Variants in AEBP2 observed in about 807,000 individuals in gnomAD.
AEBP2 encodes the protein AE binding protein 2.
In AEBP2, 10 loss-of-function variants were observed where a neutral mutation model predicts 50.8. The observed-to-expected ratio is 0.20, with a 90% confidence interval of 0.12 to 0.33. The LOEUF (loss-of-function observed/expected upper bound fraction) is 0.33. AEBP2 is among the 10% of genes least tolerant of loss of function. The pLI, the probability that AEBP2 is intolerant of heterozygous loss-of-function variation, is 1.00. For missense variants in AEBP2, 570 were observed against 688.0 expected, an observed-to-expected ratio of 0.83 and a Z score of 1.92; for synonymous variants, 296 against 261.3, an observed-to-expected ratio of 1.13 and a Z score of -1.28.
chr12:19,404,194 A>G (rs2095734817), exon 1 of AEBP2: 1 of 152,230 alleles, frequency 6.6e-6, no homozygotes, highest in African/African-American at 2.4e-5. Context: ...TAGCTGGCCG[A>G]CTTCCCAGCG....
intron 5 of AEBP2, among the ~76,000 whole-genome samples, chr12:19,511,533 G>C (rs1260985642): frequency 6.6e-6 from 1 of 152,180 alleles, no homozygotes; most frequent in African/African-American, 2.4e-5. Flanking sequence ...AGTTTGTCAG[G>C]AAAGTGATGC....
At chr12:19,431,992 A>T (rs981178374) in intron 1 of AEBP2, among the ~76,000 whole-genome samples, 8 of 152,190 alleles carry the variant, frequency 5.3e-5, no homozygotes, top group Non-Finnish European at 1.2e-4. Flanking sequence ...TCTCAGCTCC[A>T]GTCTAAGCTG....
Position 19,518,542 on chromosome 12 carries a change from A to G in AEBP2, c.*425A>G. The G allele has an allele frequency of 7.7e-7, 1 of 1,296,648 alleles. No homozygotes were observed. The highest frequency in any genetic ancestry group is 3.2e-5 in the Admixed American group (1 of 31,138). 80.3% of individuals were successfully genotyped at this position (1,296,648 alleles called of 1,614,324 possible). On this transcript the variant is annotated 3_prime_UTR_variant, in exon 8 of 8. Transcript: ENST00000266508. ...CAAATACCAAAAGCACTGTAAGGAT[A>G]TTTGTCTTGACAGTGTTTATTGATT...
At chr12:19,485,990 A>G (rs1372676440) in intron 3 of AEBP2, among the ~76,000 whole-genome samples, 1 of 138,820 alleles carries the variant, frequency 7.2e-6, no homozygotes, top group Admixed American at 7.6e-5. Flanking sequence ...AAGGTCTGAT[A>G]TAATGTATAG....
intron 3 of AEBP2, among the ~76,000 whole-genome samples, chr12:19,475,502 T>C (rs1333775816): frequency 2.6e-5 from 4 of 152,086 alleles, no homozygotes; most frequent in Non-Finnish European, 5.9e-5. Context: ...ATCCACTTAT[T>C]GATTGAAGGG....
chr12:19,517,426 TAACAATAC>T (rs1949336381), intron 7 of AEBP2, among the ~76,000 whole-genome samples: 1 of 152,210 alleles, frequency 6.6e-6, no homozygotes, highest in Non-Finnish European at 1.5e-5. Flanking sequence ...GGGAAAAAGA[TAACAATAC>T]AACAATACAA....
At chr12:19,496,447 A>C (rs920629756) in intron 4 of AEBP2, among the ~76,000 whole-genome samples, 5 of 152,160 alleles carry the variant, frequency 3.3e-5, no homozygotes, top group Admixed American at 6.6e-5. Context: ...AGCCATTGTT[A>C]AGACAGTGCT....
intron 5 of AEBP2, among the ~76,000 whole-genome samples, chr12:19,509,509 G>A (rs1592782379): frequency 6.6e-6 from 1 of 152,280 alleles, no homozygotes; most frequent in East Asian, 1.9e-4. Context: ...CACTTGGGAG[G>A]CTGAGGTAGG....
intron 1 of AEBP2, among the ~76,000 whole-genome samples, chr12:19,428,439 C>A (rs1368140802): frequency 6.6e-6 from 1 of 152,148 alleles, no homozygotes; most frequent in Non-Finnish European, 1.5e-5. Context: ...TGTGTCCCAG[C>A]CCATGAACAG....
Position 19,518,819 on chromosome 12 carries a change from C to A in AEBP2, c.*702C>A. 2.0e-6 allele frequency: 2 copies of A among 996,184 alleles called. No individual in the cohort carries two copies. The highest frequency in any genetic ancestry group is 2.8e-6 in the Non-Finnish European group (2 of 702,236). 61.7% of individuals were successfully genotyped at this position (996,184 alleles called of 1,614,324 possible). ...ATGTCTGGTGGCTCCCTTTTCAGGA[C>A]TAGGGCTTTCTCATGGAGTACAGTA... On this transcript the variant is annotated 3_prime_UTR_variant, in exon 8 of 8. Coordinates refer to ENST00000266508, the MANE Select transcript of AEBP2 (RefSeq NM_153207.5).
intron 3 of AEBP2, among the ~76,000 whole-genome samples, chr12:19,489,100 A>G (rs971599658): frequency 6.6e-6 from 1 of 152,138 alleles, no homozygotes; most frequent in African/African-American, 2.4e-5. Flanking sequence ...ACATACATTA[A>G]TATATAGGGT....
chr12:19,469,531 C>G (rs1195596743), intron 2 of AEBP2, among the ~76,000 whole-genome samples: 1 of 152,198 alleles, frequency 6.6e-6, no homozygotes, highest in Non-Finnish European at 1.5e-5. Context: ...TCTTAGCTCA[C>G]ATAGCCTCAA....
intron 1 of AEBP2, among the ~76,000 whole-genome samples, chr12:19,410,442 T>G (rs1210732795): frequency 1.3e-5 from 2 of 152,112 alleles, no homozygotes; most frequent in African/African-American, 4.8e-5. Context: ...TGCCAAATGG[T>G]GTAGATGGAA....
intron 1 of AEBP2, among the ~76,000 whole-genome samples, chr12:19,448,559 G>A (rs1470870587): frequency 4.0e-5 from 6 of 151,694 alleles, no homozygotes; most frequent in Non-Finnish European, 8.8e-5. Flanking sequence ...TCAGTATGTC[G>A]TAGCCTGTAT....
chr12:19,476,673 A>T (rs150757046), intron 3 of AEBP2, among the ~76,000 whole-genome samples: 1 of 152,172 alleles, frequency 6.6e-6, no homozygotes, highest in East Asian at 1.9e-4. Flanking sequence ...ACATTGGTCT[A>T]TGTGTCTGTT....
chr12:19,435,782 A>G (rs1947851857), upstream of AEBP2, among the ~76,000 whole-genome samples: 1 of 152,052 alleles, frequency 6.6e-6, no homozygotes, highest in Non-Finnish European at 1.5e-5. Context: ...GAAATCCTAC[A>G]TTTTTCATGA....
At position 19,478,867 on chromosome 12, in the gene AEBP2, G is replaced by A. The variant is rs550540218; in HGVS notation, c.987+5512G>A. On this transcript the variant is annotated intron_variant, in intron 3 of 7. Transcript: ENST00000266508. ...ATTTAGATTTTTTAAAAAATTTATA[G>A]AGACTTGTTTTGTGACCTATCATAT... Among the ~76,000 whole-genome samples, 17 of 152,124 alleles carry A rather than the reference G, an allele frequency of 1.1e-4. No homozygotes were observed. The South Asian group carries it at 3.5e-3, about 32-fold the overall frequency.
At chr12:19,451,541 C>G (rs1227325087) in intron 1 of AEBP2, among the ~76,000 whole-genome samples, 1 of 152,110 alleles carries the variant, frequency 6.6e-6, no homozygotes, top group Non-Finnish European at 1.5e-5. Context: ...CCTTTTATGA[C>G]TTAGCCTTGG....
intron 1 of AEBP2, among the ~76,000 whole-genome samples, chr12:19,455,160 ATT>A (rs34852339): frequency 2.7e-5 from 4 of 145,616 alleles, no homozygotes; most frequent in Admixed American, 6.9e-5. Context: ...TGCCCAGCTA[ATT>A]TTTTTTTTTT....
Sources: allele counts gnomAD v4.1 joint callset (sites outside exome capture counted in the v4.1 genomes callset), GRCh38; gene constraint gnomAD v4.1.1; transcripts MANE v1.5; gene names NCBI Gene and HGNC (gene_info 2026-07-23, HGNC 2026-07-21).